RAP1GDS1: variants seen among roughly 807,000 people sequenced by gnomAD.
The protein encoded by RAP1GDS1 is Rap1 GTPase-GDP dissociation stimulator 1.
Under a neutral mutation model 71.1 loss-of-function variants are expected in RAP1GDS1, and 35 were observed. The observed-to-expected ratio is 0.49, with a 90% CI of 0.38 to 0.65. The LOEUF is 0.65. Ranked by LOEUF, RAP1GDS1 falls within the 30% of genes least tolerant of loss-of-function variation. The pLI, the probability that RAP1GDS1 is intolerant of heterozygous loss-of-function variation, is 0.00. For missense variants in RAP1GDS1, 663 were observed against 706.1 expected (o/e 0.94, Z 0.69); for synonymous variants, 229 against 243.1 (o/e 0.94, Z 0.54).
intron 6 of RAP1GDS1, among the ~76,000 whole-genome samples, chr4:98,397,755 G>C (rs1744764684): frequency 1.3e-5 from 2 of 152,090 alleles, no homozygotes; most frequent in African/African-American, 4.8e-5. Flanking sequence ...TATCCAAGGA[G>C]AATGCTATGC....
chr4:98,426,537 C>T (rs1388651774), intron 12 of RAP1GDS1, among the ~76,000 whole-genome samples: 4 of 152,020 alleles, frequency 2.6e-5, no homozygotes, highest in Non-Finnish European at 5.9e-5. Flanking sequence ...GGAAATACTA[C>T]AACTGACACC....
intron 2 of RAP1GDS1, among the ~76,000 whole-genome samples, chr4:98,318,064 A>G (rs1270489164): frequency 6.6e-6 from 1 of 151,956 alleles, no homozygotes; most frequent in East Asian, 1.9e-4. Context: ...GCTGATCTTG[A>G]ACTCCTGATC....
chr4:98,334,230 T>C (rs1233265634), intron 2 of RAP1GDS1, among the ~76,000 whole-genome samples: 1 of 152,150 alleles, frequency 6.6e-6, no homozygotes, highest in Non-Finnish European at 1.5e-5. Context: ...TATGTGCATG[T>C]GCATAAACAC....
Position 98,442,220 on chromosome 4 carries a change from T to C in RAP1GDS1, c.*103T>C. 1 of 1,480,318 alleles carries C rather than the reference T, an allele frequency of 6.8e-7. No homozygotes were observed. Among genetic ancestry groups the C allele is most frequent in the South Asian group, 1.3e-5 (1 of 76,780 alleles). The allele number at this position is 1,480,318 out of a possible 1,614,324, so 91.7% of individuals were successfully genotyped here. A position where few individuals can be genotyped will look rare whatever the true frequency, so the allele number is the denominator to read the frequency against. ...CTCTACCATACCACTTGTGCATGCA[T>C]GTGATGTTCTAATACCAATTGAAGA... On this transcript the variant is annotated 3_prime_UTR_variant, in exon 15 of 15. Transcript: ENST00000408927.
At chr4:98,417,240 C>A in intron 8 of RAP1GDS1, 127 bp from the exon 9 acceptor site, 4 of 963,252 alleles carry the variant, frequency 4.2e-6, no homozygotes, top group Non-Finnish European at 6.1e-6. Context: ...AGAATCATTA[C>A]TTTTCCCATT....
At chr4:98,264,224 C>G (rs1578233472) in intron 1 of RAP1GDS1, among the ~76,000 whole-genome samples, 1 of 152,068 alleles carries the variant, frequency 6.6e-6, no homozygotes. Flanking sequence ...AACCCTGTCT[C>G]TACTAAAAAT....
chr4:98,438,546 A>T (rs1213784703), intron 14 of RAP1GDS1, among the ~76,000 whole-genome samples: 1 of 135,952 alleles, frequency 7.4e-6, no homozygotes, highest in Admixed American at 7.7e-5. Flanking sequence ...AACATTTTTT[A>T]ATCATTTACA....
In RAP1GDS1 at chr4:98,379,498, G is replaced by A. The variant is rs778424056; in HGVS notation, c.508+335G>A. ...TATCTTCGTTATATATATACCAGGA[G>A]TAGCTTTAAAATATGAACACTGTTT... On this transcript the variant is annotated intron_variant, in intron 5 of 14. Transcript: ENST00000408927. 3.1e-5 allele frequency: 5 copies of A among 160,226 alleles called. No homozygotes were observed. In the South Asian group the frequency reaches 6.1e-4, roughly 19 times the overall value. 9.9% of individuals were successfully genotyped at this position (160,226 alleles called of 1,614,324 possible).
At chr4:98,366,751 C>A (rs1739555001) in intron 4 of RAP1GDS1, among the ~76,000 whole-genome samples, 1 of 152,080 alleles carries the variant, frequency 6.6e-6, no homozygotes, top group Non-Finnish European at 1.5e-5. Flanking sequence ...GCATTTTGCC[C>A]CTGCCCTAGA....
At chr4:98,264,979 G>T (rs1310049125) in intron 1 of RAP1GDS1, among the ~76,000 whole-genome samples, 1 of 152,180 alleles carries the variant, frequency 6.6e-6, no homozygotes. Context: ...GATAATGTAG[G>T]ATCTAAAATG....
intron 1 of RAP1GDS1, among the ~76,000 whole-genome samples, chr4:98,275,811 A>G (rs1255580081): frequency 6.6e-6 from 1 of 152,108 alleles, no homozygotes; most frequent in East Asian, 1.9e-4. Context: ...TGGGTTCCCT[A>G]AGTTTTAGCA....
rs1752117340 is a variant in RAP1GDS1, at chr4:98,443,484, T to C, written c.*1367T>C. 1 of 229,378 alleles carries C rather than the reference T, an allele frequency of 4.4e-6. No homozygotes were observed. The highest frequency in any genetic ancestry group is 2.2e-5 in the African/African-American group (1 of 45,132). 14.2% of individuals were successfully genotyped at this position (229,378 alleles called of 1,614,324 possible). A position where few individuals can be genotyped will look rare whatever the true frequency, so the allele number is the denominator to read the frequency against. Reference sequence around the variant, plus strand: ...ACCACTACTGGCCTAAAAGGCAAGATGGGCTTCGATATAGAAGGACTGCAA... The same window carrying C: ...ACCACTACTGGCCTAAAAGGCAAGACGGGCTTCGATATAGAAGGACTGCAA... On this transcript the variant is annotated 3_prime_UTR_variant, in exon 15 of 15. Coordinates refer to ENST00000408927, the MANE Select transcript of RAP1GDS1 (RefSeq NM_001100427.2).
intron 1 of RAP1GDS1, among the ~76,000 whole-genome samples, chr4:98,287,052 A>C (rs2110266333): frequency 6.6e-6 from 1 of 152,228 alleles, no homozygotes; most frequent in African/African-American, 2.4e-5. Flanking sequence ...TTTGTGTCAT[A>C]ATTTCTAAAA....
chr4:98,434,331 A>G (rs1750858877), intron 13 of RAP1GDS1, among the ~76,000 whole-genome samples: 6 of 152,122 alleles, frequency 3.9e-5, no homozygotes, highest in Admixed American at 3.9e-4. Flanking sequence ...GAGAATAGAG[A>G]AAACGTTTTC....
At chr4:98,369,205 G>A (rs1040635809) in intron 4 of RAP1GDS1, among the ~76,000 whole-genome samples, 4 of 152,174 alleles carry the variant, frequency 2.6e-5, no homozygotes, top group Non-Finnish European at 4.4e-5. Context: ...CCCATGACAC[G>A]TGGGGATTGT....
At chr4:98,367,465 A>G (rs546608932) in intron 4 of RAP1GDS1, among the ~76,000 whole-genome samples, 2 of 152,272 alleles carry the variant, frequency 1.3e-5, no homozygotes, top group South Asian at 4.1e-4. Flanking sequence ...GCATCACATA[A>G]TGGAGCTGTG....
At chr4:98,392,107 G>A (rs1743789699) in intron 6 of RAP1GDS1, 27 bp downstream of exon 6, 1 of 1,586,206 alleles carries the variant, frequency 6.3e-7, no homozygotes, top group Non-Finnish European at 8.6e-7. Context: ...AACCACAAAT[G>A]TAATTAACTT....
intron 3 of RAP1GDS1, among the ~76,000 whole-genome samples, chr4:98,347,744 G>A (rs1736510922): frequency 6.6e-6 from 1 of 152,082 alleles, no homozygotes; most frequent in South Asian, 2.1e-4. Context: ...GAGAGAATCT[G>A]ATTTTTTGCC....
At chr4:98,394,668 C>T (rs906414237) in intron 6 of RAP1GDS1, among the ~76,000 whole-genome samples, 1 of 152,012 alleles carries the variant, frequency 6.6e-6, no homozygotes, top group Non-Finnish European at 1.5e-5. Context: ...GAGGAAAATT[C>T]ATTTATCTAA....
Sources: allele counts gnomAD v4.1 joint callset (sites outside exome capture counted in the v4.1 genomes callset), GRCh38; gene constraint gnomAD v4.1.1; transcripts MANE v1.5; gene names NCBI Gene and HGNC (gene_info 2026-07-23, HGNC 2026-07-21).